The following PREX2 variants were observed in gnomAD, a reference collection of about 807,000 sequenced individuals.
PREX2 encodes the protein phosphatidylinositol 3,4,5-trisphosphate-dependent Rac exchanger 2 protein.
Under a neutral mutation model 203.2 loss-of-function variants are expected in PREX2, and 107 were observed. That is an observed-to-expected ratio of 0.53 (90% CI 0.45 to 0.62). The LOEUF is 0.62. PREX2 is among the 20% of genes least tolerant of loss of function. The pLI, the probability that PREX2 is intolerant of heterozygous loss-of-function variation, is 0.00. For synonymous variants in PREX2, 672 were observed against 663.6 expected, an observed-to-expected ratio of 1.01 and a Z score of -0.19; for missense variants, 1,777 against 1,955.9, an observed-to-expected ratio of 0.91 and a Z score of 1.72.
At chr8:68,119,593 C>A in intron 28 of PREX2, 79 bp downstream of exon 28, 1 of 1,027,358 alleles carries the variant, frequency 9.7e-7, no homozygotes, top group Non-Finnish European at 1.5e-6. Context: ...GTAAAAGGAG[C>A]TCAGAGTTAG....
chr8:67,991,222 T>G (rs1806597067), intron 1 of PREX2, among the ~76,000 whole-genome samples: 2 of 152,108 alleles, frequency 1.3e-5, no homozygotes, highest in Admixed American at 1.3e-4. Flanking sequence ...ACACCCAAGC[T>G]CATACAACTC....
At chr8:67,987,725 C>T (rs1007925035) in intron 1 of PREX2, among the ~76,000 whole-genome samples, 3 of 152,204 alleles carry the variant, frequency 2.0e-5, no homozygotes, top group Non-Finnish European at 4.4e-5. Flanking sequence ...TGAAGCCGTT[C>T]TCGGTCTGTA....
intron 23 of PREX2, chr8:68,106,003 A>G (rs1399200430): frequency 1.6e-5 from 3 of 182,572 alleles, no homozygotes; most frequent in Non-Finnish European, 3.4e-5. Flanking sequence ...ATTGTTGTAT[A>G]TAGCAATACT....
Position 68,127,425 on chromosome 8 carries a change from AT to A in PREX2, c.3766+10del, listed in dbSNP as rs768887417. The A allele has an allele frequency of 1.9e-6, 3 of 1,601,308 alleles. No homozygotes were observed. The highest frequency in any genetic ancestry group is 1.7e-5 in the Admixed American group (1 of 59,536). ...GGCTCTTCTTGAATATTCAGGTAAC[AT>A]TTTGCATTTTATTTTTTTTTACTAT... On this transcript the variant is annotated splice_region_variant and intron_variant, in intron 31 of 39. Transcript: ENST00000288368.
chr8:68,119,509 A>T lies in PREX2; in HGVS notation c.3499A>T (p.Ser1167Cys). The T allele has an allele frequency of 6.2e-7, 1 of 1,612,204 alleles. No homozygotes were observed. Among genetic ancestry groups the T allele is most frequent in the Non-Finnish European group, 8.5e-7 (1 of 1,178,380 alleles). The change falls in exon 28 of 40, where the codon AGC becomes TGC. Residue 1167 changes from serine to cysteine, a missense_variant. Physicochemically the swap from Ser to Cys is moderately radical, Grantham distance 112 (BLOSUM62 -1). Coordinates refer to ENST00000288368, the MANE Select transcript of PREX2 (RefSeq NM_024870.4). ...KIHSCLEHLF[S>C]QVDSITNLLK... is the part of the protein sequence containing the mutation. ...ACATAGTTGCCTTGAGCATCTTTTC[A>T]GCCAGGTACAATCGGGCATTTGTGG...
intron 1 of PREX2, among the ~76,000 whole-genome samples, chr8:67,997,265 T>G (rs1423247078): frequency 6.6e-6 from 1 of 151,920 alleles, no homozygotes; most frequent in Non-Finnish European, 1.5e-5. Context: ...TCTACAATAG[T>G]CCCCCCTTAA....
chr8:67,996,431 T>G (rs1195431532), intron 1 of PREX2, among the ~76,000 whole-genome samples: 3 of 152,048 alleles, frequency 2.0e-5, no homozygotes. Flanking sequence ...TGGCCTCAAG[T>G]GATCCTCCTG....
intron 33 of PREX2, among the ~76,000 whole-genome samples, chr8:68,140,430 A>G (rs1407325229): frequency 6.6e-6 from 1 of 152,234 alleles, no homozygotes; most frequent in African/African-American, 2.4e-5. Flanking sequence ...ATTATTCTGT[A>G]TTCAGAGGTC....
intron 10 of PREX2, 106 bp downstream of exon 10, chr8:68,056,080 T>G (rs2129611219): frequency 8.6e-7 from 1 of 1,156,102 alleles, no homozygotes; most frequent in Non-Finnish European, 1.2e-6. Context: ...CTTAGGCACT[T>G]TTGAAAACTT....
intron 23 of PREX2, chr8:68,105,622 A>G: frequency 9.4e-7 from 1 of 1,060,652 alleles, no homozygotes; most frequent in Non-Finnish European, 1.1e-6. Context: ...ATATAATTGT[A>G]TATATACAGT....
intron 35 of PREX2, among the ~76,000 whole-genome samples, chr8:68,172,462 TA>T (rs1811898064): frequency 6.6e-6 from 1 of 152,208 alleles, no homozygotes; most frequent in African/African-American, 2.4e-5. Context: ...ATTTTGTCTG[TA>T]GGTTATGATA....
chr8:68,039,714 C>G (rs1234430650), intron 7 of PREX2, among the ~76,000 whole-genome samples: 1 of 152,148 alleles, frequency 6.6e-6, no homozygotes, highest in African/African-American at 2.4e-5. Context: ...CCAAAAATTA[C>G]GAGTTAGCCT....
rs1420333760 is a variant in PREX2 at position 68,053,251 on chromosome 8, G to T, written c.1093+5G>T. The stretch of plus-strand genomic sequence containing the variant: ...AAGAAAGAGAACGGCGGAAAGGTGG[G>T]TGTATGAATTGGGCGCTGTTACACT... On this transcript the variant is annotated splice_donor_5th_base_variant and intron_variant, in intron 9 of 39. Transcript: ENST00000288368. 2 of 1,613,314 alleles carry T rather than the reference G, an allele frequency of 1.2e-6. No individual in the cohort carries two copies. Among genetic ancestry groups the T allele is most frequent in the Admixed American group, 3.3e-5 (2 of 60,004 alleles).
intron 1 of PREX2, among the ~76,000 whole-genome samples, chr8:67,954,617 G>A (rs906540510): frequency 3.3e-5 from 5 of 152,164 alleles, no homozygotes; most frequent in African/African-American, 1.2e-4. Flanking sequence ...TTAAAAGTTA[G>A]CCATAGTATT....
intron 11 of PREX2, among the ~76,000 whole-genome samples, chr8:68,063,729 T>C (rs1808930714): frequency 6.6e-6 from 1 of 152,072 alleles, no homozygotes; most frequent in African/African-American, 2.4e-5. Context: ...CTGGGTTTCT[T>C]GATGGACAGC....
intron 35 of PREX2, among the ~76,000 whole-genome samples, chr8:68,187,332 CAT>C (rs949253115): frequency 1.3e-5 from 2 of 152,066 alleles, no homozygotes; most frequent in Non-Finnish European, 2.9e-5. Context: ...TATTTCTTAA[CAT>C]GTGTCATAAA....
intron 1 of PREX2, among the ~76,000 whole-genome samples, chr8:67,953,844 G>A (rs1471288653): frequency 1.3e-5 from 2 of 152,114 alleles, no homozygotes; most frequent in Non-Finnish European, 2.9e-5. Context: ...ATACTTCCTT[G>A]TAACAAAGAT....
chr8:68,228,944 T>TAAAAAA (rs58993264), intron 39 of PREX2, among the ~76,000 whole-genome samples: 2 of 103,532 alleles, frequency 1.9e-5, no homozygotes, highest in African/African-American at 4.0e-5. Context: ...CTTGTCTCTT[T>TAAAAAA]AAAAAAAAAA....
chr8:68,081,335 T>C (rs940397735), intron 17 of PREX2, among the ~76,000 whole-genome samples: 3 of 152,146 alleles, frequency 2.0e-5, no homozygotes, highest in African/African-American at 4.8e-5. Flanking sequence ...CGCCCGCCGC[T>C]CACCTCCTTT....
Sources: gnomAD v4.1 joint callset for allele counts (sites outside exome capture counted in the v4.1 genomes callset) on GRCh38, gnomAD v4.1.1 for gene constraint, MANE v1.5 for transcripts, NCBI Gene and HGNC (gene_info 2026-07-23, HGNC 2026-07-21) for gene names.